RAB2B: variants seen among roughly 807,000 people sequenced by gnomAD.
RAB2B encodes the protein RAB2B, member RAS oncogene family.
RAB2B carries 20 observed loss-of-function variants against 29.8 expected under a neutral mutation model. The observed-to-expected ratio is 0.67, with a 90% CI of 0.47 to 0.97. The LOEUF is 0.97. Ranked by LOEUF, RAB2B falls within the 50% of genes least tolerant of loss-of-function variation. The pLI, the probability that RAB2B is intolerant of heterozygous loss-of-function variation, is 0.00. For synonymous variants in RAB2B, 93 were observed against 91.7 expected (o/e 1.01, Z -0.08); for missense variants, 218 against 272.0 (o/e 0.80, Z 1.40).
chr14:21,463,153 A>C (rs903890532), intron 6 of RAB2B, among the ~76,000 whole-genome samples: 3 of 152,176 alleles, frequency 2.0e-5, no homozygotes, highest in Admixed American at 6.5e-5. Context: ...TACCCAAAGC[A>C]AAAGTAAAAC....
chr14:21,464,394 T>C (rs963656419), intron 5 of RAB2B, among the ~76,000 whole-genome samples: 10 of 143,546 alleles, frequency 7.0e-5, no homozygotes, highest in Admixed American at 3.5e-4. Flanking sequence ...AGCAAGACTG[T>C]CTCTTGGGCG....
At chr14:21,472,202 GTATTT>G (rs1437987477) in intron 3 of RAB2B, among the ~76,000 whole-genome samples, 5 of 152,070 alleles carry the variant, frequency 3.3e-5, no homozygotes, top group African/African-American at 1.2e-4. Context: ...TATTTGATCA[GTATTT>G]TATATTACAG....
At chr14:21,468,256 A>T in intron 5 of RAB2B, 101 bp downstream of exon 5, 1 of 877,186 alleles carries the variant, frequency 1.1e-6, no homozygotes, top group Non-Finnish European at 1.7e-6. Flanking sequence ...TTTTTTACTG[A>T]AACACTAAGA....
At chr14:21,468,599 G>C in intron 4 of RAB2B, 71 bp downstream of exon 4, 4 of 1,183,986 alleles carry the variant, frequency 3.4e-6, no homozygotes, top group Non-Finnish European at 3.5e-6. Flanking sequence ...AGAATCAGTA[G>C]ATAGAAAAAA....
intron 5 of RAB2B, among the ~76,000 whole-genome samples, chr14:21,465,741 T>G (rs900719588): frequency 2.0e-5 from 3 of 152,150 alleles, no homozygotes; most frequent in African/African-American, 7.2e-5. Context: ...CCAAAACCCT[T>G]ACTCAGGCCT....
At chr14:21,461,340 G>T in intron 7 of RAB2B, 37 bp from the exon 8 acceptor site, 1 of 1,476,740 alleles carries the variant, frequency 6.8e-7, no homozygotes, top group African/African-American at 1.4e-5. Context: ...CCACCTCAGT[G>T]TTAAAGTGAA....
At chr14:21,472,338 T>C (rs1890838456) in intron 3 of RAB2B, among the ~76,000 whole-genome samples, 1 of 152,154 alleles carries the variant, frequency 6.6e-6, no homozygotes, top group Non-Finnish European at 1.5e-5. Context: ...ACAAAAACCT[T>C]TGGACAACCT....
intron 3 of RAB2B, among the ~76,000 whole-genome samples, chr14:21,470,003 G>A (rs1295037301): frequency 6.8e-6 from 1 of 148,016 alleles, no homozygotes; most frequent in East Asian, 2.0e-4. Context: ...CCGGGCTGGA[G>A]TGCAGTGGCG....
rs866414982 is a variant in RAB2B at position 21,460,666 on chromosome 14, T to G, written c.*530A>C. ...TTTGCTCTTGTTGCCCAGGCTGCAG[T>G]GCAATGGCGTGATCTTGGCTTAGCG... On this transcript the variant is annotated 3_prime_UTR_variant, in exon 8 of 8. Coordinates refer to ENST00000397762, the MANE Select transcript of RAB2B (RefSeq NM_032846.4). 2.1e-4 allele frequency: 32 copies of G among 154,508 alleles called. No individual in the cohort carries two copies. The highest frequency in any genetic ancestry group is 1.9e-4 in the Admixed American group (3 of 15,644). 9.6% of individuals were successfully genotyped at this position (154,508 alleles called of 1,614,324 possible).
chr14:21,470,918 G>A (rs1300789534), intron 3 of RAB2B, among the ~76,000 whole-genome samples: 1 of 149,488 alleles, frequency 6.7e-6, no homozygotes, highest in African/African-American at 2.5e-5. Context: ...GGGAGGCCAA[G>A]GCGGGCAGAT....
Position 21,461,179 on chromosome 14 carries a change from A to T in RAB2B, c.*17T>A, listed in dbSNP as rs1890545948. On this transcript the variant is annotated 3_prime_UTR_variant, in exon 8 of 8. Transcript: ENST00000397762. ...GAAGCTATTCCAGGAAGGACAAAAA[A>T]AGTTCAAGCCAGATGTTCAGCAGCA... 1 of 1,583,568 alleles carries T rather than the reference A, an allele frequency of 6.3e-7. No homozygotes were observed. The highest frequency in any genetic ancestry group is 1.7e-5 in the Admixed American group (1 of 57,886).
intron 3 of RAB2B, among the ~76,000 whole-genome samples, chr14:21,470,993 CAAAAAAAAAAAAAAAA>C (rs869211285): frequency 1.0e-5 from 1 of 98,790 alleles, no homozygotes; most frequent in Non-Finnish European, 1.9e-5. Context: ...GCTAAAAATA[CAAAAAAAAAAAAAAAA>C]AAAAAAAAAA....
In RAB2B at chr14:21,460,368, C is replaced by CCT; in HGVS notation, c.*827_*828insAG. 1 of 496,028 alleles carries CCT rather than the reference C, an allele frequency of 2.0e-6. No homozygotes were observed. Among genetic ancestry groups the CCT allele is most frequent in the Non-Finnish European group, 4.0e-6 (1 of 248,020 alleles). The allele number at this position is 496,028 out of a possible 1,614,324, so 30.7% of individuals were successfully genotyped here. On this transcript the variant is annotated 3_prime_UTR_variant, in exon 8 of 8. Transcript: ENST00000397762. The stretch of plus-strand genomic sequence containing the variant: ...TTGGGAGGCCAAGGTGGGCGGATCA[C>CCT]GAGGTCAAGAGATCAAGACCATCCT...
Position 21,476,849 on chromosome 14 carries a change from C to A in RAB2B, c.24G>T (p.Lys8Asn). The change falls in exon 1 of 8, where the codon AAG (lysine) becomes AAT (asparagine). Residue 8 changes from lysine to asparagine, a missense_variant. Lys to Asn is a moderately conservative substitution (Grantham distance 94). Transcript: ENST00000397762. ...TACCTGTGTCTCCGATGATGATATA[C>A]TTGAAGAGATAAGCATAAGTCATGG... MTYAYLF[K>N]YIIIGDTGVG... 6.2e-7 allele frequency: 1 copy of A among 1,613,502 alleles called. No individual in the cohort carries two copies.
chr14:21,461,978 T>C (rs1890566662), intron 7 of RAB2B, among the ~76,000 whole-genome samples: 1 of 152,212 alleles, frequency 6.6e-6, no homozygotes, highest in Non-Finnish European at 1.5e-5. Flanking sequence ...AAGTAGCATA[T>C]GATTCTTTTT....
chr14:21,469,138 C>T (rs138658676), intron 3 of RAB2B, among the ~76,000 whole-genome samples: 2 of 151,968 alleles, frequency 1.3e-5, no homozygotes, highest in African/African-American at 4.8e-5. Flanking sequence ...GGACTGGAAA[C>T]GGAGTGTATG....
At chr14:21,471,162 G>A (rs1378059672) in intron 3 of RAB2B, among the ~76,000 whole-genome samples, 1 of 138,544 alleles carries the variant, frequency 7.2e-6, no homozygotes, top group African/African-American at 2.7e-5. Context: ...AACAGAGTGA[G>A]ACTCTGTCTA....
Position 21,468,674 on chromosome 14 carries a change from T to A in RAB2B, c.265A>T (p.Thr89Ser). The change falls in exon 4 of 8, where the codon ACA becomes TCA. Residue 89 changes from threonine to serine, a missense_variant. Physicochemically the swap from Thr to Ser is moderately conservative, Grantham distance 58 (BLOSUM62 1). Coordinates refer to ENST00000397762, the MANE Select transcript of RAB2B (RefSeq NM_032846.4). Reference protein sequence around the residue: ...AAGALLVYDITRRETFNHLTS... With the variant: ...AAGALLVYDISRRETFNHLTS... ...CATGCACCAGATCTGGCTCACCTTG[T>A]AATGTCGTACACCAGCAGTGCTCCA... 1.3e-6 allele frequency: 2 copies of A among 1,563,384 alleles called. No homozygotes were observed. The highest frequency in any genetic ancestry group is 1.7e-6 in the Non-Finnish European group (2 of 1,159,206).
At chr14:21,462,284 T>C in intron 7 of RAB2B, 66 bp downstream of exon 7, 2 of 1,348,722 alleles carry the variant, frequency 1.5e-6, no homozygotes, top group Non-Finnish European at 2.1e-6. Flanking sequence ...CATTCCATTC[T>C]AGGGAACCTC....
Sources: allele counts gnomAD v4.1 joint callset (sites outside exome capture counted in the v4.1 genomes callset), GRCh38; gene constraint gnomAD v4.1.1; transcripts MANE v1.5; gene names NCBI Gene and HGNC (gene_info 2026-07-23, HGNC 2026-07-21).